Variants in NEB observed in about 807,000 individuals in gnomAD.
NEB encodes the protein nemaline myopathy type 2.
A neutral mutation model predicts 952.2 loss-of-function variants in NEB; 512 were observed. The observed-to-expected ratio is 0.54, with a 90% CI of 0.50 to 0.58. The LOEUF is 0.58. Among genes scored for constraint, NEB ranks in the 20% least tolerant of loss-of-function variants. The pLI is 0.00. For missense variants in NEB, 8,428 were observed against 9,231.1 expected, an observed-to-expected ratio of 0.91 and a Z score of 3.56; for synonymous variants, 2,900 against 3,149.8, an observed-to-expected ratio of 0.92 and a Z score of 2.66.
At position 151,631,256 on chromosome 2, in the gene NEB, C is replaced by T. The variant is rs370265998; in HGVS notation, c.9505G>A (p.Glu3169Lys). The T allele has an allele frequency of 7.4e-6, 12 of 1,613,808 alleles. No individual in the cohort carries two copies. In the African/African-American group the frequency reaches 1.1e-4, roughly 14 times the overall value. ...CGGTAGATGTTATCACTCAGTATTTCGGTAGCTCTCTTGCACTTGACCACA... is the reference window on the plus strand; with the variant it reads ...CGGTAGATGTTATCACTCAGTATTTTGGTAGCTCTCTTGCACTTGACCACA... ...MDVVKCKRAT[E>K]ILSDNIYRQP... Residue 3169 changes from glutamate to lysine, a missense_variant, in exon 66 of 182, where the codon GAA (glutamate) becomes AAA (lysine). Around this residue, in one of 11 missense-constraint regions of NEB, gnomAD observed 1,772 missense variants for 1,960.3 expected, o/e 0.90. Coordinates refer to ENST00000397345, the MANE Select transcript of NEB (RefSeq NM_001164508.2).
At chr2:151,725,690 C>T in intron 5 of NEB, 130 bp from the exon 6 acceptor site, 1 of 671,812 alleles carries the variant, frequency 1.5e-6, no homozygotes, top group Non-Finnish European at 2.5e-6. Context: ...TTCTTTTTGT[C>T]CCCTACCCCA....
intron 161 of NEB, among the ~76,000 whole-genome samples, chr2:151,512,167 A>G (rs1340684661): frequency 6.6e-6 from 1 of 151,374 alleles, no homozygotes; most frequent in East Asian, 1.9e-4. Context: ...AGTAGCTGGG[A>G]CTACAGGTGC....
At chr2:151,499,465 C>T in intron 168 of NEB, 75 bp from the exon 169 acceptor site, 1 of 787,010 alleles carries the variant, frequency 1.3e-6, no homozygotes, top group Non-Finnish European at 2.1e-6. Context: ...TGTGGGGAAC[C>T]TGGTATAAAA....
In NEB at chr2:151,670,878, A is replaced by G. The variant is rs963472723; in HGVS notation, c.4506+145T>C. 1.6e-5 allele frequency: 13 copies of G among 811,572 alleles called. No homozygotes were observed. In the African/African-American group the frequency reaches 2.1e-4, roughly 13 times the overall value. The allele number at this position is 811,572 out of a possible 1,614,324, so 50.3% of individuals were successfully genotyped here. A position where few individuals can be genotyped will look rare whatever the true frequency, so the allele number is the denominator to read the frequency against. On this transcript the variant is annotated intron_variant, in intron 38 of 181. Transcript: ENST00000397345. ...TGTTCAAGATCCCAGTTGCCTCAAA[A>G]GGCAGCCCTTTCTCTCATACCTATG...
At chr2:151,619,841 A>G (rs1023066668) in intron 72 of NEB, 79 bp from the exon 73 acceptor site, 29 of 1,444,568 alleles carry the variant, frequency 2.0e-5, no homozygotes, top group Non-Finnish European at 2.3e-5. Flanking sequence ...GGTGCTTTCT[A>G]TGAAATCTTT....
At chr2:151,608,436 G>A (rs1186669840) in intron 82 of NEB, 37 bp downstream of exon 82, 1 of 15,042 alleles carries the variant, frequency 6.6e-5, no homozygotes, top group East Asian at 7.0e-4. Flanking sequence ...CTCAGTTTGG[G>A]TGGTATCTTT....
At position 151,692,122 on chromosome 2, in the gene NEB, A is replaced by G. The variant is rs1438347556; in HGVS notation, c.2043T>C (p.Tyr681=). ...GATATGGGTCCTCCATGCTGCCTACATAATGTCCCAAAACATCCTTTACAT... is the reference window on the plus strand; with the variant it reads ...GATATGGGTCCTCCATGCTGCCTACGTAATGTCCCAAAACATCCTTTACAT... ...DLYVKDVLGH[Y]VGSMEDPYHT... The change falls in exon 22 of 182, where the codon TAT becomes TAC. Residue 681 remains tyrosine, a synonymous_variant. Transcript: ENST00000397345. 2 of 1,614,004 alleles carry G rather than the reference A, an allele frequency of 1.2e-6. No individual in the cohort carries two copies. The highest frequency in any genetic ancestry group is 1.1e-5 in the South Asian group (1 of 91,082).
chr2:151,503,240 C>G, intron 166 of NEB, 109 bp downstream of exon 166: 2 of 800,292 alleles, frequency 2.5e-6, no homozygotes, highest in Non-Finnish European at 4.2e-6. Flanking sequence ...ACAACACACA[C>G]AGACACACAC....
Position 151,527,145 on chromosome 2 carries a change from A to T in NEB, c.21841-123T>A. 5 of 673,778 alleles carry T rather than the reference A, an allele frequency of 7.4e-6. No individual in the cohort carries two copies. The South Asian group carries it at 9.7e-5, about 13-fold the overall frequency. The allele number at this position is 673,778 out of a possible 1,614,324, so 41.7% of individuals were successfully genotyped here. On this transcript the variant is annotated intron_variant, in intron 147 of 181. Transcript: ENST00000397345. ...ACAAAGACTTGCTACCAGAATGAGGAGAAGAGCTTCTTGGTCCCTCACTGC... is the reference window on the plus strand; with the variant it reads ...ACAAAGACTTGCTACCAGAATGAGGTGAAGAGCTTCTTGGTCCCTCACTGC...
At chr2:151,537,826 T>A (rs775206714) in intron 140 of NEB, 46 bp downstream of exon 140, 2 of 1,291,766 alleles carry the variant, frequency 1.5e-6, no homozygotes, top group South Asian at 3.2e-5. Context: ...AGAGCTTATA[T>A]GGGAATATGA....
rs756130763 is a variant in NEB, at chr2:151,656,260, C to T, written c.6388G>A (p.Ala2130Thr). 94 of 1,613,394 alleles carry T rather than the reference C, an allele frequency of 5.8e-5. No individual in the cohort carries two copies. The South Asian group carries it at 9.0e-4, about 15-fold the overall frequency. Residue 2130 changes from alanine to threonine, a missense_variant, in exon 49 of 182, where the codon GCC (alanine) becomes ACC (threonine). Ala to Thr is a moderately conservative substitution (Grantham distance 58). Transcript: ENST00000397345. ...TTGTAGTTAGTGTTGGTGATGTTGG[C>T]TTGGGCATCCTTTGCAGCCGTGACA... ...LSVTAAKDAQ[A>T]NITNTNYKHL...
chr2:151,531,956 T>A, intron 143 of NEB, 60 bp from the exon 144 acceptor site: 1 of 1,047,612 alleles, frequency 9.5e-7, no homozygotes, highest in Non-Finnish European at 1.4e-6. Flanking sequence ...TTAAGGTATC[T>A]AATTGTCCTC....
rs76591052 is a variant in NEB at position 151,502,895 on chromosome 2, A to G, written c.23836-10T>C. ...TTTCTTTGTACAAAACCTGTGAGAT[A>G]CAAGAAAGTACCCAGAGGACATTTA... On this transcript the variant is annotated splice_polypyrimidine_tract_variant and intron_variant, in intron 166 of 181. Transcript: ENST00000397345. The G allele has an allele frequency of 1.3e-6, 2 of 1,487,970 alleles. No individual in the cohort carries two copies. Among genetic ancestry groups the G allele is most frequent in the African/African-American group, 1.4e-5 (1 of 71,878 alleles). 92.2% of individuals were successfully genotyped at this position (1,487,970 alleles called of 1,614,324 possible). A position where few individuals can be genotyped will look rare whatever the true frequency, so the allele number is the denominator to read the frequency against.
In NEB at chr2:151,706,929, C is replaced by T; in HGVS notation, c.1104G>A (p.Glu368=). The T allele has an allele frequency of 6.2e-7, 1 of 1,606,948 alleles. No individual in the cohort carries two copies. Among genetic ancestry groups the T allele is most frequent in the South Asian group, 1.1e-5 (1 of 89,254 alleles). The part of the protein sequence containing the change: ...KADYNVLPAS[E]NPQLRQLKAA... ...CCTTCAGCTGCCTAAGCTGTGGGTTCTCTGAAGCAGGAAGCACATTATAAT... is the reference window on the plus strand; with the variant it reads ...CCTTCAGCTGCCTAAGCTGTGGGTTTTCTGAAGCAGGAAGCACATTATAAT... The change falls in exon 13 of 182, where the codon GAG becomes GAA. Residue 368 remains glutamate, a synonymous_variant. Coordinates refer to ENST00000397345, the MANE Select transcript of NEB (RefSeq NM_001164508.2).
At chr2:151,615,849 C>A in intron 76 of NEB, 153 bp downstream of exon 76, 4 of 633,358 alleles carry the variant, frequency 6.3e-6, no homozygotes, top group Non-Finnish European at 1.1e-5. Context: ...TTGTGCTTTT[C>A]TTTTTTTCCA....
chr2:151,633,837 C>G lies in NEB; in HGVS notation c.9231G>C (p.Lys3077Asn). The change falls in exon 65 of 182, where the codon AAG becomes AAC. Residue 3077 changes from lysine (K) to asparagine (N), a missense_variant. Physicochemically the swap from Lys to Asn is moderately conservative, Grantham distance 94. Around this residue, in one of 11 missense-constraint regions of NEB, gnomAD observed 1,772 missense variants for 1,960.3 expected, o/e 0.90. Transcript: ENST00000397345. ...ACTTGGTCTTCCACTTCTCAAAGTC[C>G]TTTTTGTACTCCCTGTCACTCTGGA... ...AKIQSDREYK[K>N]DFEKWKTKFS... The G allele has an allele frequency of 6.2e-7, 1 of 1,613,990 alleles. No individual in the cohort carries two copies. Among genetic ancestry groups the G allele is most frequent in the Non-Finnish European group, 8.5e-7 (1 of 1,179,892 alleles).
intron 63 of NEB, 30 bp downstream of exon 63, chr2:151,639,250 G>C (rs1209789518): frequency 6.9e-7 from 1 of 1,453,732 alleles, no homozygotes; most frequent in Non-Finnish European, 9.3e-7. Flanking sequence ...ATAAGCAGCA[G>C]TGTGCAAATG....
chr2:151,612,434 G>A (rs75470740), intron 77 of NEB, 45 bp from the exon 78 acceptor site: 13 of 1,535,246 alleles, frequency 8.5e-6, no homozygotes, highest in South Asian at 3.4e-5. Context: ...TCACCTAGAC[G>A]GCCTGGTGCC....
intron 124 of NEB, among the ~76,000 whole-genome samples, chr2:151,558,647 A>G (rs1000257063): frequency 2.0e-5 from 3 of 152,230 alleles, no homozygotes; most frequent in Admixed American, 6.5e-5. Flanking sequence ...ACAACGCCAC[A>G]TATCTACAAT....
Sources: allele counts gnomAD v4.1 joint callset (sites outside exome capture counted in the v4.1 genomes callset), GRCh38; gene constraint gnomAD v4.1.1; regional missense constraint gnomAD v4.1.1; transcripts MANE v1.5; gene names NCBI Gene and HGNC (gene_info 2026-07-23, HGNC 2026-07-21).